TTC29: variants seen among roughly 807,000 people sequenced by gnomAD.
The protein encoded by TTC29 is tetratricopeptide repeat domain 29, also known as tetratricopeptide repeat protein 29.
TTC29 carries 49 observed loss-of-function variants against 58.1 expected under a neutral mutation model. The observed-to-expected ratio is 0.84, with a 90% CI of 0.67 to 1.07. TTC29 has a LOEUF of 1.07. Among genes scored for constraint, TTC29 ranks in the 50% least tolerant of loss-of-function variants. TTC29 has a pLI of 0.00. For missense variants in TTC29, 582 were observed against 555.6 expected (o/e 1.05, Z -0.48); for synonymous variants, 209 against 196.8 (o/e 1.06, Z -0.52).
chr4:146,882,073 G>A (rs563269373), intron 6 of TTC29, among the ~76,000 whole-genome samples: 1 of 152,164 alleles, frequency 6.6e-6, no homozygotes, highest in African/African-American at 2.4e-5. Flanking sequence ...GACAGGTTTG[G>A]GAGAACCTCA....
chr4:146,921,064 A>C (rs1734545600), intron 4 of TTC29, among the ~76,000 whole-genome samples: 2 of 151,452 alleles, frequency 1.3e-5, no homozygotes, highest in South Asian at 2.1e-4. Context: ...CATGTAAATA[A>C]ATCTTTCATA....
intron 10 of TTC29, among the ~76,000 whole-genome samples, chr4:146,806,512 G>A (rs183733033): frequency 2.6e-5 from 4 of 152,048 alleles, no homozygotes; most frequent in East Asian, 1.9e-4. Context: ...GGCACATATA[G>A]ACTTAAAATA....
At chr4:146,857,084 A>G (rs1163140063) in intron 8 of TTC29, among the ~76,000 whole-genome samples, 1 of 152,222 alleles carries the variant, frequency 6.6e-6, no homozygotes, top group South Asian at 2.1e-4. Context: ...AAGATTATAT[A>G]ATAATTCTGA....
chr4:146,894,870 A>G (rs1406946046), intron 6 of TTC29, among the ~76,000 whole-genome samples: 1 of 152,026 alleles, frequency 6.6e-6, no homozygotes, highest in Non-Finnish European at 1.5e-5. Flanking sequence ...CAGTGGTACC[A>G]TGTGCAGGAT....
At chr4:146,854,137 C>T (rs923513223) in intron 8 of TTC29, among the ~76,000 whole-genome samples, 7 of 152,066 alleles carry the variant, frequency 4.6e-5, no homozygotes, top group Non-Finnish European at 8.8e-5. Context: ...GGCAATACAC[C>T]TTTTCTTGGC....
chr4:146,717,984 A>G (rs540087946), intron 11 of TTC29, among the ~76,000 whole-genome samples: 2 of 152,126 alleles, frequency 1.3e-5, no homozygotes, highest in Admixed American at 6.6e-5. Flanking sequence ...AGAACATTTT[A>G]TATGTGTCTT....
intron 11 of TTC29, among the ~76,000 whole-genome samples, chr4:146,773,711 T>A (rs1222155380): frequency 1.3e-5 from 2 of 152,044 alleles, no homozygotes; most frequent in African/African-American, 4.8e-5. Context: ...TTTTTTTGTG[T>A]ATATCTGCCA....
chr4:146,874,059 A>G (rs937697779), intron 7 of TTC29, among the ~76,000 whole-genome samples: 17 of 152,166 alleles, frequency 1.1e-4, no homozygotes, highest in Non-Finnish European at 1.5e-5. Context: ...TATTTTATAC[A>G]TACAGAAATG....
At chr4:146,837,834 A>G (rs1241752311) in intron 8 of TTC29, among the ~76,000 whole-genome samples, 2 of 151,988 alleles carry the variant, frequency 1.3e-5, no homozygotes, top group Non-Finnish European at 2.9e-5. Context: ...GAAAATATAT[A>G]TAATATATAA....
intron 9 of TTC29, among the ~76,000 whole-genome samples, chr4:146,826,533 C>G (rs1022675315): frequency 3.3e-5 from 5 of 152,140 alleles, no homozygotes; most frequent in African/African-American, 4.8e-5. Context: ...TTTCTGGCCA[C>G]CCTTAACAGT....
intron 6 of TTC29, among the ~76,000 whole-genome samples, chr4:146,881,955 CTT>C (rs930256852): frequency 6.6e-6 from 1 of 152,048 alleles, no homozygotes; most frequent in Non-Finnish European, 1.5e-5. Flanking sequence ...GGAATCCTCT[CTT>C]TGTCATTTGG....
intron 10 of TTC29, among the ~76,000 whole-genome samples, chr4:146,806,153 G>T (rs1396577529): frequency 6.6e-6 from 1 of 152,164 alleles, no homozygotes; most frequent in Non-Finnish European, 1.5e-5. Flanking sequence ...AAGCTAAGGA[G>T]AAATGAAATC....
intron 6 of TTC29, among the ~76,000 whole-genome samples, chr4:146,900,445 G>A (rs1013895916): frequency 6.6e-6 from 1 of 152,134 alleles, no homozygotes; most frequent in Non-Finnish European, 1.5e-5. Flanking sequence ...AAGGACCTGA[G>A]AGTGTAATCT....
chr4:146,847,571 C>A (rs1729253422), intron 8 of TTC29, among the ~76,000 whole-genome samples: 1 of 152,126 alleles, frequency 6.6e-6, no homozygotes, highest in Admixed American at 6.5e-5. Context: ...ACAGGGAGGA[C>A]TATGCGGCTC....
chr4:146,869,779 T>A (rs867003377), intron 7 of TTC29, among the ~76,000 whole-genome samples: 8 of 152,272 alleles, frequency 5.3e-5, no homozygotes, highest in Middle Eastern at 3.4e-3. Context: ...ACACCAAATA[T>A]TAGTTTTTAA....
At chr4:146,727,710 G>A (rs552892983) in intron 11 of TTC29, among the ~76,000 whole-genome samples, 4 of 152,066 alleles carry the variant, frequency 2.6e-5, no homozygotes, top group South Asian at 4.2e-4. Flanking sequence ...TTCCATTGTC[G>A]GGATATACCA....
chr4:146,801,918 G>T (rs1750250105), intron 11 of TTC29, among the ~76,000 whole-genome samples: 1 of 132,188 alleles, frequency 7.6e-6, no homozygotes, highest in Admixed American at 9.1e-5. Context: ...GGCAGAGCTT[G>T]CAGTGAGCCG....
At chr4:146,925,783 G>A (rs1033956058) in intron 4 of TTC29, among the ~76,000 whole-genome samples, 5 of 152,120 alleles carry the variant, frequency 3.3e-5, no homozygotes, top group Admixed American at 2.6e-4. Flanking sequence ...ACTGAGTTCT[G>A]GTAGAACTGA....
chr4:146,732,364 C>A (rs1488306249), intron 11 of TTC29, among the ~76,000 whole-genome samples: 5 of 152,030 alleles, frequency 3.3e-5, no homozygotes, highest in African/African-American at 1.2e-4. Context: ...CATAGGATTC[C>A]TTTTCTTGTT....
Sources: gnomAD v4.1 joint callset for allele counts (sites outside exome capture counted in the v4.1 genomes callset) on GRCh38, gnomAD v4.1.1 for gene constraint, MANE v1.5 for transcripts, NCBI Gene and HGNC (gene_info 2026-07-23, HGNC 2026-07-21) for gene names.